The following TNKS variants were observed in gnomAD, a reference collection of about 807,000 sequenced individuals.
TNKS encodes the protein tankyrase.
In TNKS, 72 loss-of-function variants were observed where a neutral mutation model predicts 135.8. The ratio of observed to expected loss-of-function variants is 0.53; its 90% confidence interval spans 0.44 to 0.64. The LOEUF (loss-of-function observed/expected upper bound fraction) is 0.64, where lower values mean the gene tolerates loss of function less well. TNKS is among the 30% of genes least tolerant of loss of function. The pLI, the probability that TNKS is intolerant of heterozygous loss-of-function variation, is 0.00. For synonymous variants in TNKS, 849 were observed against 649.3 expected, an observed-to-expected ratio of 1.31 and a Z score of -4.68; for missense variants, 1,769 against 1,674.0, an observed-to-expected ratio of 1.06 and a Z score of -0.99.
intron 2 of TNKS, among the ~76,000 whole-genome samples, chr8:9,610,993 G>C (rs1228769015): frequency 1.3e-5 from 2 of 152,212 alleles, no homozygotes; most frequent in African/African-American, 4.8e-5. Context: ...CATAGCTAAA[G>C]TAATACCTGC....
In TNKS at chr8:9,752,535, C is replaced by A; in HGVS notation, c.3071-9C>A. 3 of 1,602,282 alleles carry A rather than the reference C, an allele frequency of 1.9e-6. No homozygotes were observed. Among genetic ancestry groups the A allele is most frequent in the Non-Finnish European group, 2.6e-6 (3 of 1,172,000 alleles). On this transcript the variant is annotated splice_polypyrimidine_tract_variant and intron_variant, in intron 19 of 26. Coordinates refer to ENST00000310430, the MANE Select transcript of TNKS (RefSeq NM_003747.3). ...CTTTCTGAGAATCTTTAATATGTTT[C>A]TGTTTTAGTTGCTGGTCTTGACATG...
At chr8:9,687,792 T>C (rs1351579780) in intron 5 of TNKS, among the ~76,000 whole-genome samples, 1 of 152,236 alleles carries the variant, frequency 6.6e-6, no homozygotes, top group Non-Finnish European at 1.5e-5. Flanking sequence ...AGGGAGTTGG[T>C]ACTAAATCCT....
At position 9,780,450 on chromosome 8, in the gene TNKS, T is replaced by G. The variant is rs1163971713; in HGVS notation, c.*3714T>G. ...TCATGTCAGATACGTATTTAAAGAG[T>G]AAAGTCAAATTTGTTTAATGTCAGA... On this transcript the variant is annotated 3_prime_UTR_variant, in exon 27 of 27. Coordinates refer to ENST00000310430, the MANE Select transcript of TNKS (RefSeq NM_003747.3). 6.6e-6 allele frequency: 1 copy of G among 152,132 alleles called. No individual in the cohort carries two copies. Among genetic ancestry groups the G allele is most frequent in the Admixed American group, 6.5e-5 (1 of 15,278 alleles). 9.4% of individuals were successfully genotyped at this position (152,132 alleles called of 1,614,324 possible).
At chr8:9,575,278 G>A in intron 1 of TNKS, 1 of 587,636 alleles carries the variant, frequency 1.7e-6, no homozygotes, top group South Asian at 7.5e-5. Context: ...AGTAGAGACG[G>A]GTTTCACCAT....
At chr8:9,694,498 A>C (rs1585337576) in intron 5 of TNKS, among the ~76,000 whole-genome samples, 1 of 152,094 alleles carries the variant, frequency 6.6e-6, no homozygotes, top group East Asian at 1.9e-4. Flanking sequence ...ATGGTGGCTC[A>C]CACCTGTAAT....
At chr8:9,769,462 C>T (rs1807670152) in intron 25 of TNKS, among the ~76,000 whole-genome samples, 1 of 152,052 alleles carries the variant, frequency 6.6e-6, no homozygotes. Context: ...TACTTTTTTC[C>T]CTGTAATGAA....
intron 5 of TNKS, among the ~76,000 whole-genome samples, chr8:9,681,444 A>G (rs928784277): frequency 6.6e-6 from 1 of 152,124 alleles, no homozygotes; most frequent in Non-Finnish European, 1.5e-5. Flanking sequence ...CTGAAGATAG[A>G]CTGAAATGTA....
chr8:9,562,506 G>A (rs1362602334), intron 1 of TNKS, among the ~76,000 whole-genome samples: 2 of 152,088 alleles, frequency 1.3e-5, no homozygotes, highest in Non-Finnish European at 2.9e-5. Flanking sequence ...TTCTTATGCT[G>A]TGTGTGGCAT....
intron 22 of TNKS, 101 bp from the exon 23 acceptor site, chr8:9,764,615 A>T: frequency 1.3e-6 from 1 of 759,570 alleles, no homozygotes; most frequent in Non-Finnish European, 2.0e-6. Context: ...ATCAATTTAT[A>T]GTGAACTCCT....
intron 13 of TNKS, among the ~76,000 whole-genome samples, chr8:9,729,870 T>A (rs1485501923): frequency 7.1e-6 from 1 of 140,952 alleles, no homozygotes; most frequent in African/African-American, 2.6e-5. Flanking sequence ...GCCTCCTGGG[T>A]TCAAGCAATT....
At chr8:9,661,042 C>T (rs965061930) in intron 3 of TNKS, among the ~76,000 whole-genome samples, 1 of 151,460 alleles carries the variant, frequency 6.6e-6, no homozygotes, top group African/African-American at 2.4e-5. Context: ...TGAAGGACCT[C>T]TTCAAGGAGA....
At position 9,596,840 on chromosome 8, in the gene TNKS, C is replaced by G. The variant is rs1189608030; in HGVS notation, c.898+16457C>G. Reference sequence around the variant, plus strand: ...TCTTTTGAAAGAATAAACTTGAGTTCTGAGGATTGAGGGAACCAGGCCAGG... The same window carrying G: ...TCTTTTGAAAGAATAAACTTGAGTTGTGAGGATTGAGGGAACCAGGCCAGG... On this transcript the variant is annotated intron_variant, in intron 2 of 26. Coordinates refer to ENST00000310430, the MANE Select transcript of TNKS (RefSeq NM_003747.3). 3.3e-5 allele frequency among the ~76,000 whole-genome samples: 5 copies of G among 152,192 alleles called. No homozygotes were observed. The East Asian group carries it at 9.6e-4, about 29-fold the overall frequency.
chr8:9,686,786 T>C (rs908793739), intron 5 of TNKS, among the ~76,000 whole-genome samples: 1 of 152,174 alleles, frequency 6.6e-6, no homozygotes, highest in Non-Finnish European at 1.5e-5. Context: ...AGCTAGAAGA[T>C]CTGATTTTAA....
chr8:9,630,571 A>G (rs1240185182), intron 3 of TNKS, among the ~76,000 whole-genome samples: 2 of 152,202 alleles, frequency 1.3e-5, no homozygotes, highest in African/African-American at 4.8e-5. Context: ...ACCCCAGCAA[A>G]TCCCCATCAC....
chr8:9,776,555 T>C, intron 26 of TNKS, 95 bp from the exon 27 acceptor site: 1 of 1,126,832 alleles, frequency 8.9e-7, no homozygotes, highest in Non-Finnish European at 1.3e-6. Flanking sequence ...AGAATATTGG[T>C]CACGATTAAC....
chr8:9,678,150 A>G (rs1375898504), intron 3 of TNKS, among the ~76,000 whole-genome samples: 3 of 152,234 alleles, frequency 2.0e-5, no homozygotes, highest in Admixed American at 2.0e-4. Flanking sequence ...AAAATCTGGC[A>G]TACAGGCCTA....
Position 9,730,945 on chromosome 8 carries a change from C to A in TNKS, c.2057C>A (p.Thr686Lys), listed in dbSNP as rs577327188. 1 of 1,614,106 alleles carries A rather than the reference C, an allele frequency of 6.2e-7. No homozygotes were observed. The highest frequency in any genetic ancestry group is 8.5e-7 in the Non-Finnish European group (1 of 1,179,992). Residue 686 changes from threonine (T) to lysine (K), a missense_variant, in exon 14 of 27, where the codon ACG (threonine) becomes AAG (lysine). By Grantham distance (78) the Thr-to-Lys change is moderately conservative. Transcript: ENST00000310430. The part of the protein sequence containing the change: ...NCRDLEGRHS[T>K]PLHFAAGYNR... ...AGAGACTTAGAGGGCCGGCATTCCA[C>A]GCCCTTACACTTCGCAGCAGGCTAC...
At chr8:9,569,230 C>G (rs1016407991) in intron 1 of TNKS, among the ~76,000 whole-genome samples, 2 of 152,158 alleles carry the variant, frequency 1.3e-5, no homozygotes, top group Non-Finnish European at 2.9e-5. Flanking sequence ...ACTCCCTGGA[C>G]GACATCAGCT....
At chr8:9,714,513 C>A (rs897586574) in intron 11 of TNKS, among the ~76,000 whole-genome samples, 1 of 152,094 alleles carries the variant, frequency 6.6e-6, no homozygotes, top group Non-Finnish European at 1.5e-5. Flanking sequence ...TATCTAATCC[C>A]TTTATAATTG....
Sources: allele counts gnomAD v4.1 joint callset (sites outside exome capture counted in the v4.1 genomes callset), GRCh38; gene constraint gnomAD v4.1.1; transcripts MANE v1.5; gene names NCBI Gene and HGNC (gene_info 2026-07-23, HGNC 2026-07-21).